BEAN1: variants seen among roughly 807,000 people sequenced by gnomAD.
BEAN1 encodes protein BEAN1.
Under a neutral mutation model 17.7 loss-of-function variants are expected in BEAN1, and 17 were observed. That is an observed-to-expected ratio of 0.96 (90% confidence interval 0.66 to 1.44). The LOEUF (loss-of-function observed/expected upper bound fraction) is 1.44. BEAN1 is among the 40% of genes most tolerant of loss of function. The probability of loss-of-function intolerance (pLI) is 0.00; values close to 1 mark genes in which losing one functional copy is unlikely to be tolerated. For missense variants in BEAN1, 359 were observed against 374.1 expected (o/e 0.96, Z 0.33); for synonymous variants, 142 against 151.8 (o/e 0.94, Z 0.47).
chr16:66,494,296 C>A (rs1964217767), downstream of BEAN1, among the ~76,000 whole-genome samples: 1 of 152,112 alleles, frequency 6.6e-6, no homozygotes, highest in Non-Finnish European at 1.5e-5. Context: ...ATCTGCTAAC[C>A]CCAAAAGGTC....
intron 2 of BEAN1, among the ~76,000 whole-genome samples, chr16:66,441,192 T>C (rs1962242771): frequency 6.6e-6 from 1 of 152,162 alleles, no homozygotes; most frequent in Non-Finnish European, 1.5e-5. Context: ...CAGTGTTTAT[T>C]GAGCAACTGA....
intron 2 of BEAN1, among the ~76,000 whole-genome samples, chr16:66,449,606 C>CA (rs35721774): frequency 0.15 from 12,804 of 83,166 alleles, 1,379 homozygotes; most frequent in South Asian, 0.32. Flanking sequence ...GACTCCATCT[C>CA]AAAAAAAAAA....
intron 3 of BEAN1, 96 bp downstream of exon 3, chr16:66,469,961 G>A: frequency 1.4e-6 from 2 of 1,446,144 alleles, no homozygotes; most frequent in Non-Finnish European, 1.8e-6. Context: ...CCTGGGTGGA[G>A]CAGGGTGGTC....
At chr16:66,466,194 C>T (rs937223293) in intron 2 of BEAN1, among the ~76,000 whole-genome samples, 2 of 152,194 alleles carry the variant, frequency 1.3e-5, no homozygotes, top group African/African-American at 4.8e-5. Flanking sequence ...ACTCAGGAGG[C>T]TGAGGCAGGA....
chr16:66,459,400 AC>A (rs961793745), intron 2 of BEAN1, among the ~76,000 whole-genome samples: 2 of 151,534 alleles, frequency 1.3e-5, no homozygotes, highest in African/African-American at 4.9e-5. Flanking sequence ...GCTCATTGCA[AC>A]CTCTGCCTCC....
At chr16:66,443,545 T>C (rs1962335905) in intron 2 of BEAN1, among the ~76,000 whole-genome samples, 1 of 152,220 alleles carries the variant, frequency 6.6e-6, no homozygotes, top group African/African-American at 2.4e-5. Context: ...AGGAATCCAC[T>C]CTGCCACAGG....
chr16:66,469,775 C>T lies in BEAN1; in HGVS notation c.199C>T (p.Leu67Phe). Reference sequence around the variant, plus strand: ...CATCCGCAGGGACAGGCAGGCCCGGCTTCAGCGGCACCGCCACCGCCACCA... The same window carrying T: ...CATCCGCAGGGACAGGCAGGCCCGGTTTCAGCGGCACCGCCACCGCCACCA... ...GSIRRDRQAR[L>F]QRHRHRHHRH... Residue 67 changes from leucine (L) to phenylalanine (F), a missense_variant, in exon 3 of 5, where the codon CTT becomes TTT. Transcript: ENST00000536005. 1 of 1,536,092 alleles carries T rather than the reference C, an allele frequency of 6.5e-7. No individual in the cohort carries two copies. Among genetic ancestry groups the T allele is most frequent in the Non-Finnish European group, 8.7e-7 (1 of 1,146,910 alleles).
At chr16:66,466,296 AC>A (rs530718871) in intron 2 of BEAN1, among the ~76,000 whole-genome samples, 99 of 152,282 alleles carry the variant, frequency 6.5e-4, no homozygotes, top group Non-Finnish European at 1.0e-3. Flanking sequence ...AAACAAAAAA[AC>A]AACAACAACA....
At chr16:66,493,432 A>T (rs1294249308) in exon 5 of BEAN1, 4 of 614,640 alleles carry the variant, frequency 6.5e-6, no homozygotes, top group South Asian at 3.8e-5. Context: ...GTGGCTCTCC[A>T]GTCCTCTAGG....
At chr16:66,466,294 AAAC>A (rs1007099097) in intron 2 of BEAN1, among the ~76,000 whole-genome samples, 6 of 152,170 alleles carry the variant, frequency 3.9e-5, no homozygotes, top group Non-Finnish European at 7.3e-5. Context: ...ACAAACAAAA[AAAC>A]AACAACAACA....
chr16:66,477,608 C>T lies in BEAN1; in HGVS notation c.338C>T (p.Ala113Val), dbSNP rs926610544. ...YSRSSRRMRY[A>V]CSSSEDWPPP... is the part of the protein sequence containing the mutation. ...CGCTCAAGCCGCAGGATGCGCTATG[C>T]CTGCAGCTCCTCAGAGGACTGGCCC... The change falls in exon 4 of 5, where the codon GCC (alanine) becomes GTC (valine). Residue 113 changes from alanine to valine, a missense_variant. Physicochemically the swap from Ala to Val is moderately conservative, Grantham distance 64. Coordinates refer to ENST00000536005, the MANE Select transcript of BEAN1 (RefSeq NM_001178020.3). 9 of 1,550,700 alleles carry T rather than the reference C, an allele frequency of 5.8e-6. No individual in the cohort carries two copies. Among genetic ancestry groups the T allele is most frequent in the African/African-American group, 1.4e-5 (1 of 73,030 alleles).
chr16:66,469,871 C>A lies in BEAN1; in HGVS notation c.289+6C>A, dbSNP rs1963408457. The A allele has an allele frequency of 6.5e-7, 1 of 1,531,956 alleles. No homozygotes were observed. The highest frequency in any genetic ancestry group is 1.4e-5 in the African/African-American group (1 of 72,982). 94.9% of individuals were successfully genotyped at this position (1,531,956 alleles called of 1,614,324 possible). A position where few individuals can be genotyped will look rare whatever the true frequency, so the allele number is the denominator to read the frequency against. On this transcript the variant is annotated splice_donor_region_variant and intron_variant, in intron 3 of 4. Transcript: ENST00000536005. ...AGAGTACGAGCACGGCTACGGTGAG[C>A]CGCCGCCCACCCTGGGGCCCTGGGA...
At chr16:66,433,873 A>G (rs376825274) in intron 1 of BEAN1, among the ~76,000 whole-genome samples, 9 of 152,282 alleles carry the variant, frequency 5.9e-5, no homozygotes, top group African/African-American at 1.7e-4. Flanking sequence ...AGCCTCTGCC[A>G]TGAGGATCCC....
chr16:66,454,729 CT>C (rs538469751), intron 2 of BEAN1, among the ~76,000 whole-genome samples: 2,916 of 83,808 alleles, frequency 0.035, 65 homozygotes, highest in East Asian at 0.2. Flanking sequence ...TTCTTTCTTT[CT>C]TTTTTTTTTT....
chr16:66,483,799 A>C (rs1233937967), downstream of BEAN1: 1 of 152,486 alleles, frequency 6.6e-6, no homozygotes, highest in Non-Finnish European at 1.5e-5. Flanking sequence ...GGGGGGAAAG[A>C]CCACGAGATA....
intron 2 of BEAN1, among the ~76,000 whole-genome samples, chr16:66,456,860 ACTT>A (rs1228485749): frequency 6.6e-6 from 1 of 152,240 alleles, no homozygotes; most frequent in Non-Finnish European, 1.5e-5. Flanking sequence ...ATTTAAATAA[ACTT>A]AAGTGGCAGA....
At chr16:66,470,200 A>ATGGT in intron 3 of BEAN1, 1 of 439,064 alleles carries the variant, frequency 2.3e-6, no homozygotes, top group Middle Eastern at 6.2e-4. Flanking sequence ...GGATGGATGG[A>ATGGT]TGGATGGATG....
At chr16:66,456,868 G>A (rs1267985070) in intron 2 of BEAN1, among the ~76,000 whole-genome samples, 1 of 152,194 alleles carries the variant, frequency 6.6e-6, no homozygotes, top group Non-Finnish European at 1.5e-5. Context: ...AAACTTAAGT[G>A]GCAGAATGTA....
chr16:66,484,762 C>G (rs1013585076), downstream of BEAN1: 4 of 427,892 alleles, frequency 9.3e-6, no homozygotes, highest in Non-Finnish European at 1.9e-5. The surrounding 1 kb of genome is among the most constrained non-coding windows in gnomAD (Gnocchi z 4.2). Context: ...CGCAGTCCCA[C>G]TGGTGACTCT....
Sources: gnomAD v4.1 joint callset for allele counts (sites outside exome capture counted in the v4.1 genomes callset) on GRCh38, gnomAD v4.1.1 for gene constraint, Gnocchi (gnomAD v3.1) non-coding constraint, MANE v1.5 for transcripts, NCBI Gene and HGNC (gene_info 2026-07-23, HGNC 2026-07-21) for gene names.